Variants in EEPD1 observed in about 807,000 individuals in gnomAD.
EEPD1 encodes the protein endonuclease/exonuclease/phosphatase family domain-containing protein 1.
A neutral mutation model predicts 46.3 loss-of-function variants in EEPD1; 17 were observed. The ratio of observed to expected loss-of-function variants is 0.37; its 90% CI spans 0.25 to 0.55. EEPD1 has a LOEUF of 0.55. Among genes scored for constraint, EEPD1 ranks in the 20% least tolerant of loss-of-function variants. EEPD1 has a pLI of 0.83. For synonymous variants in EEPD1, 313 were observed against 315.6 expected (o/e 0.99, Z 0.09); for missense variants, 673 against 745.6 (o/e 0.90, Z 1.13).
intron 3 of EEPD1, among the ~76,000 whole-genome samples, chr7:36,241,046 TACAA>T (rs1786546761): frequency 6.6e-6 from 1 of 152,158 alleles, no homozygotes; most frequent in Admixed American, 6.5e-5. Flanking sequence ...TGAGGCAAAA[TACAA>T]ACAATTGATC....
intron 2 of EEPD1, among the ~76,000 whole-genome samples, chr7:36,164,905 A>G (rs1328547113): frequency 6.6e-6 from 1 of 152,266 alleles, no homozygotes; most frequent in Non-Finnish European, 1.5e-5. Flanking sequence ...TATAAAGGAT[A>G]TAAAGAAAGA....
chr7:36,295,705 A>G (rs978836559), intron 6 of EEPD1, among the ~76,000 whole-genome samples: 2 of 152,206 alleles, frequency 1.3e-5, no homozygotes, highest in African/African-American at 4.8e-5. Context: ...AACAATGGCC[A>G]TAGTTTTTCA....
chr7:36,267,016 G>T (rs1409304409), intron 3 of EEPD1, among the ~76,000 whole-genome samples: 7 of 152,312 alleles, frequency 4.6e-5, no homozygotes, highest in African/African-American at 1.7e-4. Context: ...GCTACTGGGA[G>T]TAGTGCTCCT....
intron 6 of EEPD1, among the ~76,000 whole-genome samples, chr7:36,294,528 G>GT (rs1415963111): frequency 6.6e-6 from 1 of 152,186 alleles, no homozygotes; most frequent in African/African-American, 2.4e-5. Context: ...AAAGTGAAAT[G>GT]TAAGAAATGA....
chr7:36,271,340 T>C (rs1787099091), intron 3 of EEPD1, among the ~76,000 whole-genome samples: 1 of 152,196 alleles, frequency 6.6e-6, no homozygotes, highest in Non-Finnish European at 1.5e-5. Context: ...TGGTTTTGAT[T>C]TGCATTTCTC....
chr7:36,262,160 A>G (rs1174298119), intron 3 of EEPD1, among the ~76,000 whole-genome samples: 2 of 152,160 alleles, frequency 1.3e-5, no homozygotes, highest in Non-Finnish European at 2.9e-5. Flanking sequence ...ACTCTTGTCC[A>G]TGAAATGCAG....
At chr7:36,187,574 G>C (rs574145444) in intron 2 of EEPD1, among the ~76,000 whole-genome samples, 3 of 152,160 alleles carry the variant, frequency 2.0e-5, no homozygotes, top group Non-Finnish European at 4.4e-5. Flanking sequence ...GCATGTGTCA[G>C]GATTTCCTTC....
intron 3 of EEPD1, among the ~76,000 whole-genome samples, chr7:36,249,650 A>G (rs146613878): frequency 1.6e-4 from 25 of 152,298 alleles, no homozygotes; most frequent in African/African-American, 5.8e-4. Context: ...AAGCCGCTGT[A>G]CCTACTGCGG....
At chr7:36,210,156 T>C (rs559442828) in intron 2 of EEPD1, among the ~76,000 whole-genome samples, 20 of 152,126 alleles carry the variant, frequency 1.3e-4, no homozygotes, top group Non-Finnish European at 2.9e-4. Context: ...TAAGAGTTAA[T>C]TGTTGTAACA....
intron 3 of EEPD1, among the ~76,000 whole-genome samples, chr7:36,243,953 C>T (rs1326925191): frequency 2.6e-5 from 4 of 151,162 alleles, no homozygotes; most frequent in Non-Finnish European, 5.9e-5. Flanking sequence ...TGCTAAATGA[C>T]GAGTTAATGG....
chr7:36,254,649 G>T (rs1786801244), intron 3 of EEPD1, among the ~76,000 whole-genome samples: 1 of 152,164 alleles, frequency 6.6e-6, no homozygotes, highest in African/African-American at 2.4e-5. Context: ...ACCCAGTAAT[G>T]GAATTACTGG....
chr7:36,201,190 G>T (rs1785706514), intron 2 of EEPD1, among the ~76,000 whole-genome samples: 1 of 152,158 alleles, frequency 6.6e-6, no homozygotes, highest in African/African-American at 2.4e-5. Flanking sequence ...CTGAGAAACA[G>T]CCCCAGATTG....
chr7:36,196,475 T>G (rs1050530898), intron 2 of EEPD1, among the ~76,000 whole-genome samples: 1 of 152,182 alleles, frequency 6.6e-6, no homozygotes, highest in African/African-American at 2.4e-5. Flanking sequence ...AAAGCTGGAC[T>G]GTACTGCTGC....
chr7:36,183,799 C>T (rs557001986), intron 2 of EEPD1, among the ~76,000 whole-genome samples: 1 of 152,010 alleles, frequency 6.6e-6, no homozygotes, highest in East Asian at 1.9e-4. Flanking sequence ...TGTGTCCCGC[C>T]AGACTCTGTA....
chr7:36,249,968 C>G (rs1008988274), intron 3 of EEPD1, among the ~76,000 whole-genome samples: 1 of 152,174 alleles, frequency 6.6e-6, no homozygotes, highest in African/African-American at 2.4e-5. Flanking sequence ...CCTGTAATCC[C>G]AACACTTTGG....
At chr7:36,278,375 T>C (rs1787212420) in intron 3 of EEPD1, among the ~76,000 whole-genome samples, 1 of 152,072 alleles carries the variant, frequency 6.6e-6, no homozygotes, top group African/African-American at 2.4e-5. Flanking sequence ...AGATTAGATT[T>C]CTGGAAAAGG....
rs1787255891 is a variant in EEPD1 at position 36,281,177 on chromosome 7, A to T, written c.993A>T (p.Gly331=). 1 of 1,614,190 alleles carries T rather than the reference A, an allele frequency of 6.2e-7. No individual in the cohort carries two copies. The highest frequency in any genetic ancestry group is 8.5e-7 in the Non-Finnish European group (1 of 1,180,038). Residue 331 remains glycine (G), a synonymous_variant, in exon 4 of 8, where the codon GGA becomes GGT. Coordinates refer to ENST00000242108, the MANE Select transcript of EEPD1 (RefSeq NM_030636.3). ...TCCGCAAGTGGAAGGGGCCCCGGGG[A>T]TGCTGGAAGGCTGTTGTTGCTGAGA... ...PNIRKWKGPR[G]CWKAVVAEKP...
chr7:36,267,817 T>G (rs1283580594), intron 3 of EEPD1, among the ~76,000 whole-genome samples: 1 of 152,182 alleles, frequency 6.6e-6, no homozygotes, highest in Non-Finnish European at 1.5e-5. Flanking sequence ...TGATGGTGTT[T>G]GGAGGTAGAG....
intron 2 of EEPD1, among the ~76,000 whole-genome samples, chr7:36,220,579 A>G (rs1298073699): frequency 1.3e-5 from 2 of 152,190 alleles, no homozygotes; most frequent in East Asian, 3.8e-4. Context: ...TCCAGTGGCA[A>G]ATGGCACTTT....
Sources: allele counts gnomAD v4.1 joint callset (sites outside exome capture counted in the v4.1 genomes callset), GRCh38; gene constraint gnomAD v4.1.1; transcripts MANE v1.5; gene names NCBI Gene and HGNC (gene_info 2026-07-23, HGNC 2026-07-21).